HDAC9: variants seen among roughly 807,000 people sequenced by gnomAD.
The protein encoded by HDAC9 is MEF-2 interacting transcription repressor (MITR) protein.
HDAC9 carries 41 observed loss-of-function variants against 139.4 expected under a neutral mutation model. That is an observed-to-expected ratio of 0.29 (90% CI 0.23 to 0.38). HDAC9 has a LOEUF of 0.38. Ranked by LOEUF, HDAC9 falls within the 10% of genes least tolerant of loss-of-function variation. The pLI is 1.00. For synonymous variants in HDAC9, 517 were observed against 476.2 expected (o/e 1.09, Z -1.12); for missense variants, 1,147 against 1,297.0 (o/e 0.88, Z 1.78).
Position 18,998,895 on chromosome 7 carries a change from A to G in HDAC9, c.*2833A>G, listed in dbSNP as rs13225078. 6.6e-6 allele frequency: 1 copy of G among 152,228 alleles called. No homozygotes were observed. The highest frequency in any genetic ancestry group is 1.5e-5 in the Non-Finnish European group (1 of 68,036). The allele number at this position is 152,228 out of a possible 1,614,324, so 9.4% of individuals were successfully genotyped here. A position where few individuals can be genotyped will look rare whatever the true frequency, so the allele number is the denominator to read the frequency against. On this transcript the variant is annotated 3_prime_UTR_variant, in exon 26 of 26. Coordinates refer to ENST00000686413, the MANE Select transcript of HDAC9 (RefSeq NM_178425.4). The stretch of plus-strand genomic sequence containing the variant: ...GCTGTCAAACGTAGGTATAAAAAGA[A>G]GGCTTAAAAATTAATTTTCCCAATT...
intron 1 of HDAC9, among the ~76,000 whole-genome samples, chr7:18,135,027 G>A (rs574360817): frequency 6.6e-6 from 1 of 152,174 alleles, no homozygotes; most frequent in African/African-American, 2.4e-5. Context: ...AATCCTGGAA[G>A]CATGATAGTA....
chr7:18,562,438 A>G (rs1034536342), intron 2 of HDAC9, among the ~76,000 whole-genome samples: 1 of 152,164 alleles, frequency 6.6e-6, no homozygotes, highest in Non-Finnish European at 1.5e-5. Flanking sequence ...AACTCTTAAC[A>G]TTTTAATACG....
intron 2 of HDAC9, among the ~76,000 whole-genome samples, chr7:18,574,592 A>G (rs553342360): frequency 1.3e-5 from 2 of 152,214 alleles, no homozygotes; most frequent in East Asian, 3.9e-4. Flanking sequence ...TGCCGCCATC[A>G]GTCATGTTGT....
chr7:18,631,435 C>T (rs1443211206), intron 7 of HDAC9, among the ~76,000 whole-genome samples: 1 of 152,004 alleles, frequency 6.6e-6, no homozygotes, highest in Non-Finnish European at 1.5e-5. Context: ...GTACTCCTTC[C>T]CATTGCTCTG....
At chr7:18,577,176 G>C (rs1008881078) in intron 2 of HDAC9, among the ~76,000 whole-genome samples, 13 of 152,330 alleles carry the variant, frequency 8.5e-5, no homozygotes, top group African/African-American at 3.1e-4. Context: ...CTGAGGGGTT[G>C]AATAACTTGT....
chr7:18,258,594 T>C (rs993650981), intron 2 of HDAC9, among the ~76,000 whole-genome samples: 3 of 152,224 alleles, frequency 2.0e-5, no homozygotes, highest in Admixed American at 6.5e-5. Context: ...GATGGTTATT[T>C]CTATTCTCTA....
chr7:18,904,391 C>T (rs1379068047), intron 22 of HDAC9, among the ~76,000 whole-genome samples: 2 of 152,130 alleles, frequency 1.3e-5, no homozygotes, highest in African/African-American at 4.8e-5. Context: ...GTGTGTGTGA[C>T]ATAAGATGTG....
chr7:18,990,853 C>T (rs1273624585), intron 25 of HDAC9, among the ~76,000 whole-genome samples: 1 of 152,252 alleles, frequency 6.6e-6, no homozygotes, highest in Non-Finnish European at 1.5e-5. Context: ...AAGAGAACTC[C>T]CTGGCCCCTT....
At chr7:18,538,919 G>A (rs767073870) in intron 2 of HDAC9, among the ~76,000 whole-genome samples, 2 of 152,044 alleles carry the variant, frequency 1.3e-5, no homozygotes, top group Non-Finnish European at 2.9e-5. Context: ...CTCTAGGGAG[G>A]GCTTTTTACT....
At chr7:18,607,089 TTAAG>T (rs1436682419) in intron 6 of HDAC9, among the ~76,000 whole-genome samples, 3 of 152,100 alleles carry the variant, frequency 2.0e-5, no homozygotes, top group Non-Finnish European at 4.4e-5. Flanking sequence ...TATGAAAAAG[TTAAG>T]TATGTTAGTT....
chr7:18,786,469 TCGTCCTTCCTTC>T (rs1554354996), intron 16 of HDAC9, among the ~76,000 whole-genome samples: 433 of 16,172 alleles, frequency 0.027, no homozygotes, highest in African/African-American at 0.045. Flanking sequence ...TTCCTTCCTT[TCGTCCTTCCTTC>T]CTTTCTTCCT....
intron 2 of HDAC9, among the ~76,000 whole-genome samples, chr7:18,163,811 G>A (rs1787824023): frequency 6.6e-6 from 1 of 152,046 alleles, no homozygotes; most frequent in African/African-American, 2.4e-5. Context: ...AAATTGGATT[G>A]TTTAAAAGAG....
intron 1 of HDAC9, among the ~76,000 whole-genome samples, chr7:18,485,243 A>C (rs565937498): frequency 6.6e-6 from 1 of 152,250 alleles, no homozygotes; most frequent in South Asian, 2.1e-4. Flanking sequence ...TTCGTTTCTC[A>C]TATTAAAATG....
chr7:18,187,578 C>G (rs1401580036), intron 2 of HDAC9, among the ~76,000 whole-genome samples: 1 of 152,172 alleles, frequency 6.6e-6, no homozygotes, highest in Non-Finnish European at 1.5e-5. Context: ...CTGTTCCAAT[C>G]TTGACAAACC....
intron 1 of HDAC9, among the ~76,000 whole-genome samples, chr7:18,322,501 A>G (rs942863494): frequency 5.3e-5 from 8 of 152,210 alleles, no homozygotes; most frequent in African/African-American, 1.9e-4. Flanking sequence ...ATGGGAACGT[A>G]TCATTTTGAT....
intron 1 of HDAC9, among the ~76,000 whole-genome samples, chr7:18,432,166 A>C (rs1180873399): frequency 6.6e-6 from 1 of 152,134 alleles, no homozygotes; most frequent in Non-Finnish European, 1.5e-5. Flanking sequence ...ACCTCCATCC[A>C]CCTATCCATC....
chr7:18,988,076 G>A (rs1785526400), intron 25 of HDAC9, among the ~76,000 whole-genome samples: 2 of 152,112 alleles, frequency 1.3e-5, no homozygotes, highest in Admixed American at 1.3e-4. Context: ...GTTCTGCTCT[G>A]ATTTTAGTTA....
chr7:18,505,932 A>G (rs1270611421), intron 2 of HDAC9: 1 of 152,170 alleles, frequency 6.6e-6, no homozygotes, highest in East Asian at 1.9e-4. Context: ...AGTTATTCTT[A>G]GCCTCGGTAT....
chr7:18,717,683 G>A (rs1238027041), intron 12 of HDAC9, among the ~76,000 whole-genome samples: 1 of 151,788 alleles, frequency 6.6e-6, no homozygotes, highest in Admixed American at 6.6e-5. Flanking sequence ...CACCCGCCTC[G>A]GCCTCCCAAA....
Sources: gnomAD v4.1 joint callset for allele counts (sites outside exome capture counted in the v4.1 genomes callset) on GRCh38, gnomAD v4.1.1 for gene constraint, MANE v1.5 for transcripts, NCBI Gene and HGNC (gene_info 2026-07-23, HGNC 2026-07-21) for gene names.